The following MYO18B variants were observed in gnomAD, a reference collection of about 807,000 sequenced individuals.
MYO18B encodes the protein myosin XVIIIB, also known as unconventional myosin-XVIIIb.
A neutral mutation model predicts 273.0 loss-of-function variants in MYO18B; 204 were observed. That is an observed-to-expected ratio of 0.75 (90% CI 0.67 to 0.84). MYO18B has a LOEUF of 0.84. Ranked by LOEUF, MYO18B falls within the 40% of genes least tolerant of loss-of-function variation. The probability of loss-of-function intolerance (pLI) is 0.00; values close to 1 mark genes in which losing one functional copy is unlikely to be tolerated. For missense variants in MYO18B, 3,212 were observed against 3,287.6 expected (o/e 0.98, Z 0.56); for synonymous variants, 1,330 against 1,305.7 (o/e 1.02, Z -0.40).
rs557050798 is a variant in MYO18B at position 26,020,695 on chromosome 22, A to G, written c.6471-5750A>G. Reference sequence around the variant, plus strand: ...AGTGGCTTCCACTCTTAAATACTGAATATGCATATGGCATGCATCATCTCT... The same window carrying G: ...AGTGGCTTCCACTCTTAAATACTGAGTATGCATATGGCATGCATCATCTCT... On this transcript the variant is annotated intron_variant, in intron 42 of 43. Coordinates refer to ENST00000335473, the MANE Select transcript of MYO18B (RefSeq NM_032608.7). Among the ~76,000 whole-genome samples, 9 of 152,266 alleles carry G rather than the reference A, an allele frequency of 5.9e-5. No homozygotes were observed. The South Asian group carries it at 1.9e-3, about 32-fold the overall frequency.
intron 42 of MYO18B, among the ~76,000 whole-genome samples, chr22:26,018,270 G>T (rs932011659): frequency 1.3e-5 from 2 of 152,130 alleles, no homozygotes; most frequent in African/African-American, 4.8e-5. Flanking sequence ...ATATTGTAAG[G>T]AATGTAGGAT....
In MYO18B at chr22:25,883,895, A is replaced by G. The variant is rs538748513; in HGVS notation, c.4314+5847A>G. 7.9e-5 allele frequency among the ~76,000 whole-genome samples: 12 copies of G among 152,350 alleles called. No homozygotes were observed. Among genetic ancestry groups the G allele is most frequent in the African/African-American group, 2.6e-4 (11 of 41,594 alleles). On this transcript the variant is annotated intron_variant, in intron 25 of 43. Transcript: ENST00000335473. The surrounding 1 kb of genome is among the most constrained non-coding windows in gnomAD (Gnocchi z 7.6). Reference sequence around the variant, plus strand: ...TATAAATACTCTTCAAGCATGCAAAATGTGCCTTGATGCAAACTGGGGTTT... The same window carrying G: ...TATAAATACTCTTCAAGCATGCAAAGTGTGCCTTGATGCAAACTGGGGTTT...
chr22:25,790,519 G>A (rs1412386221), intron 11 of MYO18B, among the ~76,000 whole-genome samples: 6 of 152,028 alleles, frequency 3.9e-5, no homozygotes, highest in South Asian at 2.1e-4. Context: ...GTCTCCCCTC[G>A]GCCCTAAGTT....
At position 25,925,371 on chromosome 22, in the gene MYO18B, G is replaced by A. The variant is rs199679370; in HGVS notation, c.5517+3962G>A. Among the ~76,000 whole-genome samples, 8 of 152,248 alleles carry A rather than the reference G, an allele frequency of 5.3e-5. No homozygotes were observed. In the East Asian group the frequency reaches 1.5e-3, roughly 29 times the overall value. Reference sequence around the variant, plus strand: ...ACCCTTTCGAGTTCAGTGGTAGCATGTATATTTTGCAGATGAGGAAACTGT... The same window carrying A: ...ACCCTTTCGAGTTCAGTGGTAGCATATATATTTTGCAGATGAGGAAACTGT... On this transcript the variant is annotated intron_variant, in intron 34 of 43. Coordinates refer to ENST00000335473, the MANE Select transcript of MYO18B (RefSeq NM_032608.7).
chr22:26,037,672 G>A, the MYO18B span, among the ~76,000 whole-genome samples: 9 of 152,314 alleles, frequency 5.9e-5, no homozygotes, highest in East Asian at 7.7e-4. Flanking sequence ...CCTCAAAAAT[G>A]GGGTGGGGTA....
intron 3 of MYO18B, 37 bp from the exon 4 acceptor site, chr22:25,768,078 A>G (rs751989999): frequency 1.3e-6 from 2 of 1,498,818 alleles, no homozygotes; most frequent in South Asian, 2.6e-5. Context: ...CAGGTCAGCA[A>G]GCAGCTATGT....
chr22:25,936,121 G>T (rs991667555), intron 34 of MYO18B, among the ~76,000 whole-genome samples: 6 of 152,226 alleles, frequency 3.9e-5, no homozygotes, highest in Non-Finnish European at 7.3e-5. Flanking sequence ...CTGTTTAGGG[G>T]AGCAAAGGGG....
At chr22:25,902,804 A>C in intron 30 of MYO18B, 68 bp downstream of exon 30, 1 of 1,501,136 alleles carries the variant, frequency 6.7e-7, no homozygotes, top group South Asian at 1.3e-5. Context: ...TGCATCGTGC[A>C]CCTGCTGCAA....
intron 21 of MYO18B, among the ~76,000 whole-genome samples, chr22:25,865,846 A>AT (rs2090869769): frequency 6.6e-6 from 1 of 152,036 alleles, no homozygotes; most frequent in Non-Finnish European, 1.5e-5. Context: ...TCTTCAGTCA[A>AT]TTTTTTATTG....
the MYO18B span, among the ~76,000 whole-genome samples, chr22:26,048,521 T>C: frequency 1.3e-5 from 2 of 152,128 alleles, no homozygotes; most frequent in Admixed American, 1.3e-4. Context: ...TCTTTCTCCA[T>C]CAGCAGAAAT....
chr22:25,755,907 CTTTT>C (rs568293596), intron 1 of MYO18B, among the ~76,000 whole-genome samples: 3 of 148,320 alleles, frequency 2.0e-5, no homozygotes, highest in East Asian at 2.0e-4. Flanking sequence ...TTCTTTCTTT[CTTTT>C]TTTTTTCTTT....
intron 18 of MYO18B, 143 bp downstream of exon 18, chr22:25,844,037 A>G (rs531058489): frequency 2.7e-6 from 2 of 728,594 alleles, no homozygotes; most frequent in East Asian, 2.8e-5. Context: ...GCAAAGAACC[A>G]TAACTTGAAT....
At chr22:25,884,840 A>G (rs1166301579) in intron 25 of MYO18B, 1 of 152,216 alleles carries the variant, frequency 6.6e-6, no homozygotes. Context: ...TTGTTTCATC[A>G]TCAGTAAAAT....
intron 25 of MYO18B, among the ~76,000 whole-genome samples, chr22:25,882,780 G>GT (rs200511963): frequency 2.2e-4 from 34 of 152,202 alleles, no homozygotes; most frequent in African/African-American, 6.7e-4. Flanking sequence ...TACAATGGCA[G>GT]TTTTTTTACA....
chr22:25,993,879 C>A (rs1304717191), intron 40 of MYO18B, among the ~76,000 whole-genome samples: 1 of 150,660 alleles, frequency 6.6e-6, no homozygotes, highest in Non-Finnish European at 1.5e-5. Flanking sequence ...CATTCTAACA[C>A]TGAGGAAAGG....
chr22:25,950,709 T>C (rs905907328), intron 37 of MYO18B, among the ~76,000 whole-genome samples: 9 of 152,052 alleles, frequency 5.9e-5, no homozygotes, highest in Non-Finnish European at 8.8e-5. Context: ...GTAGCTGGGA[T>C]TACAGACACC....
chr22:25,956,832 C>T (rs1386335893), intron 39 of MYO18B, among the ~76,000 whole-genome samples: 1 of 152,204 alleles, frequency 6.6e-6, no homozygotes, highest in African/African-American at 2.4e-5. Flanking sequence ...TGTGAGAGGT[C>T]TTACCAACTT....
chr22:26,017,203 C>CT (rs1232273500), intron 42 of MYO18B, among the ~76,000 whole-genome samples: 3 of 149,760 alleles, frequency 2.0e-5, no homozygotes, highest in African/African-American at 2.5e-5. Flanking sequence ...TTTCTTCCTT[C>CT]TTTTTTTAAA....
chr22:26,007,590 C>T (rs570735457), intron 42 of MYO18B, among the ~76,000 whole-genome samples: 6 of 152,282 alleles, frequency 3.9e-5, no homozygotes, highest in African/African-American at 1.2e-4. Flanking sequence ...CCAGATCCTA[C>T]GACATTAAGC....
Sources: allele counts gnomAD v4.1 joint callset (sites outside exome capture counted in the v4.1 genomes callset), GRCh38; gene constraint gnomAD v4.1.1; non-coding constraint Gnocchi (gnomAD v3.1); transcripts MANE v1.5; gene names NCBI Gene and HGNC (gene_info 2026-07-23, HGNC 2026-07-21).